HEATR4: variants seen among roughly 807,000 people sequenced by gnomAD.
HEATR4 encodes the protein HEAT repeat containing 4, also known as HEAT repeat-containing protein 4.
HEATR4 carries 95 observed loss-of-function variants against 108.8 expected under a neutral mutation model. That is an observed-to-expected ratio of 0.87 (90% CI 0.74 to 1.04). HEATR4 has a LOEUF of 1.04. Among genes scored for constraint, HEATR4 ranks in the 50% least tolerant of loss-of-function variants. The pLI is 0.00. For synonymous variants in HEATR4, 443 were observed against 459.4 expected, an observed-to-expected ratio of 0.96 and a Z score of 0.46; for missense variants, 1,152 against 1,253.8, an observed-to-expected ratio of 0.92 and a Z score of 1.23.
chr14:73,614,526 G>A, the HEATR4 span, among the ~76,000 whole-genome samples: 1 of 151,386 alleles, frequency 6.6e-6, no homozygotes, highest in African/African-American at 2.4e-5. Context: ...GATCACTTGA[G>A]GCCAGGAGTT....
intron 17 of HEATR4, 58 bp downstream of exon 17, chr14:73,493,008 T>TTC: frequency 6.3e-7 from 1 of 1,582,012 alleles, no homozygotes; most frequent in Middle Eastern, 1.7e-4. Context: ...CCTTTTTTTT[T>TTC]TTTTTTTCCT....
chr14:73,511,872 A>G (rs1235933455), intron 7 of HEATR4, 134 bp downstream of exon 7: 15 of 984,394 alleles, frequency 1.5e-5, no homozygotes, highest in Non-Finnish European at 2.2e-5. Context: ...GCATGTATAT[A>G]TAGGCCAGTC....
At chr14:73,554,481 C>G in intron 1 of HEATR4, among the ~76,000 whole-genome samples, 1 of 115,152 alleles carries the variant, frequency 8.7e-6, no homozygotes, top group Non-Finnish European at 1.9e-5. Flanking sequence ...AGGTAAGTTA[C>G]CAAGGCAGCT....
the HEATR4 span, among the ~76,000 whole-genome samples, chr14:73,606,742 A>G: frequency 6.6e-6 from 1 of 152,288 alleles, no homozygotes; most frequent in East Asian, 1.9e-4. Context: ...TATCAAACCA[A>G]TCAGGACTCC....
the HEATR4 span, chr14:73,592,174 TCG>T: frequency 6.2e-7 from 1 of 1,605,046 alleles, no homozygotes; most frequent in Non-Finnish European, 8.5e-7. Flanking sequence ...GGCGGCAGCT[TCG>T]CGGGACTCGA....
chr14:73,604,164 C>CTTTT, the HEATR4 span, among the ~76,000 whole-genome samples: 2,050 of 120,622 alleles, frequency 0.017, 153 homozygotes, highest in African/African-American at 0.062. Context: ...TTGCTAATTT[C>CTTTT]TTTTTTTTTT....
At chr14:73,569,257 T>C in the HEATR4 span, 26 of 1,613,682 alleles carry the variant, frequency 1.6e-5, no homozygotes, top group South Asian at 2.2e-5. Flanking sequence ...AACAAGCTTC[T>C]TTCTCCCCAC....
chr14:73,516,391 G>A (rs1486505938), intron 5 of HEATR4, among the ~76,000 whole-genome samples: 10 of 106,692 alleles, frequency 9.4e-5, no homozygotes, highest in Admixed American at 2.0e-4. Context: ...TCTCTCAGGC[G>A]ATTTGAAATC....
chr14:73,515,659 G>A (rs1361559233), intron 5 of HEATR4, among the ~76,000 whole-genome samples: 10 of 114,876 alleles, frequency 8.7e-5, no homozygotes, highest in East Asian at 5.8e-4. Context: ...GTGACAAAGC[G>A]AGACTCCATC....
the HEATR4 span, among the ~76,000 whole-genome samples, chr14:73,632,769 G>A: frequency 1.3e-5 from 2 of 150,270 alleles, no homozygotes; most frequent in African/African-American, 2.4e-5. Flanking sequence ...ACTTGAACCC[G>A]GGAAGTGGAG....
chr14:73,516,027 CTGA>C (rs1887581586), intron 5 of HEATR4, among the ~76,000 whole-genome samples: 1 of 58,814 alleles, frequency 1.7e-5, no homozygotes, highest in Non-Finnish European at 2.7e-5. Flanking sequence ...TCTTAGATCT[CTGA>C]TATTTAACCT....
At chr14:73,521,926 C>G (rs1332791060) in intron 3 of HEATR4, among the ~76,000 whole-genome samples, 2 of 152,176 alleles carry the variant, frequency 1.3e-5, no homozygotes, top group East Asian at 3.8e-4. Flanking sequence ...GCAGTGGTTC[C>G]CAGCTGGGAA....
At chr14:73,511,592 TGGCTG>T (rs1887272201) in intron 7 of HEATR4, among the ~76,000 whole-genome samples, 1 of 151,466 alleles carries the variant, frequency 6.6e-6, no homozygotes, top group Non-Finnish European at 1.5e-5. Flanking sequence ...AATGGGCTCT[TGGCTG>T]GGCACAGTGG....
intron 7 of HEATR4, 102 bp downstream of exon 7, chr14:73,511,904 T>C: frequency 6.9e-7 from 1 of 1,441,392 alleles, no homozygotes; most frequent in Non-Finnish European, 9.6e-7. Context: ...GTTTCCACAT[T>C]TGTAAAATGA....
At chr14:73,627,030 G>A in the HEATR4 span, among the ~76,000 whole-genome samples, 7 of 151,538 alleles carry the variant, frequency 4.6e-5, no homozygotes, top group Admixed American at 2.0e-4. Flanking sequence ...GACCTCAGGT[G>A]ATCCACCCGC....
At chr14:73,569,543 C>T in the HEATR4 span, 1 of 1,605,028 alleles carries the variant, frequency 6.2e-7, no homozygotes, top group Non-Finnish European at 8.5e-7. Context: ...CGTCCCTGCG[C>T]GACGAGAAGG....
In HEATR4 at chr14:73,513,899, G is replaced by A; in HGVS notation, c.1414+132C>T. The A allele has an allele frequency of 5.9e-6, 5 of 843,478 alleles. No individual in the cohort carries two copies. In the South Asian group the frequency reaches 8.0e-5, roughly 13 times the overall value. The allele number at this position is 843,478 out of a possible 1,614,324, so 52.2% of individuals were successfully genotyped here. On this transcript the variant is annotated intron_variant, in intron 6 of 17. Coordinates refer to ENST00000553558, the MANE Select transcript of HEATR4 (RefSeq NM_001220484.1). ...CCAATGTGTGAAAGGCTCTTGTCTA[G>A]CCTTAATGAGGCAACCAGATTTTTA...
the HEATR4 span, chr14:73,592,339 G>T: frequency 3.7e-6 from 6 of 1,602,178 alleles, no homozygotes; most frequent in Non-Finnish European, 5.1e-6. Context: ...CAGCACGAGC[G>T]CCACTTCCTC....
the HEATR4 span, among the ~76,000 whole-genome samples, chr14:73,598,253 G>A: frequency 2.2e-3 from 329 of 148,994 alleles, 2 homozygotes; most frequent in African/African-American, 7.2e-3. Context: ...AGCCGGGTGT[G>A]GTGGCAGGCG....
Sources: allele counts gnomAD v4.1 joint callset (sites outside exome capture counted in the v4.1 genomes callset), GRCh38; gene constraint gnomAD v4.1.1; transcripts MANE v1.5; gene names NCBI Gene and HGNC (gene_info 2026-07-23, HGNC 2026-07-21).